Variants in AGPS observed in about 807,000 individuals in gnomAD.
AGPS encodes alkyldihydroxyacetonephosphate synthase, peroxisomal.
AGPS carries 26 observed loss-of-function variants against 90.7 expected under a neutral mutation model. That is an observed-to-expected ratio of 0.29 (90% CI 0.21 to 0.40). The LOEUF (loss-of-function observed/expected upper bound fraction) is 0.40. Among genes scored for constraint, AGPS ranks in the 10% least tolerant of loss-of-function variants. AGPS has a pLI of 1.00. For synonymous variants in AGPS, 294 were observed against 285.3 expected (o/e 1.03, Z -0.31); for missense variants, 540 against 816.1 (o/e 0.66, Z 4.12).
At chr2:177,459,159 A>C (rs138228275) in intron 8 of AGPS, among the ~76,000 whole-genome samples, 131,909 of 152,152 alleles carry the variant, frequency 0.87, 57,396 homozygotes, top group East Asian at 0.98. Flanking sequence ...ACACCTTATA[A>C]AAAAATCAAC....
At chr2:177,449,414 T>C (rs988722888) in intron 8 of AGPS, among the ~76,000 whole-genome samples, 1 of 152,158 alleles carries the variant, frequency 6.6e-6, no homozygotes, top group Non-Finnish European at 1.5e-5. Flanking sequence ...TAGTATCTTA[T>C]TGTAGGTTTG....
intron 8 of AGPS, among the ~76,000 whole-genome samples, chr2:177,455,963 A>G (rs1041303190): frequency 6.6e-6 from 1 of 152,218 alleles, no homozygotes; most frequent in African/African-American, 2.4e-5. Flanking sequence ...TTCATGGCAC[A>G]TGGTAAATAA....
rs1180320735 is a variant in AGPS, at chr2:177,540,014, C to T, written c.*1819C>T. On this transcript the variant is annotated 3_prime_UTR_variant, in exon 20 of 20. Transcript: ENST00000264167. The stretch of plus-strand genomic sequence containing the variant: ...GTGATCAAAATATAAAATTAAGGTA[C>T]TAATGTCTCACTGGAAGTATATATA... The T allele has an allele frequency of 8.9e-6, 1 of 111,802 alleles. No individual in the cohort carries two copies. The highest frequency in any genetic ancestry group is 2.7e-4 in the East Asian group (1 of 3,732). 6.9% of individuals were successfully genotyped at this position (111,802 alleles called of 1,614,324 possible).
chr2:177,393,205 G>A (rs1008141259), intron 1 of AGPS, 156 bp downstream of exon 1: 37 of 985,160 alleles, frequency 3.8e-5, no homozygotes, highest in Non-Finnish European at 4.2e-5. Flanking sequence ...CGAGAGAGTG[G>A]ACTAGACCCT....
chr2:177,492,170 G>A (rs1222606352), intron 11 of AGPS, among the ~76,000 whole-genome samples: 3 of 152,306 alleles, frequency 2.0e-5, no homozygotes, highest in African/African-American at 4.8e-5. Context: ...GTAGAATGTG[G>A]TTGTTAGCAG....
chr2:177,434,997 G>GTATATATATA (rs1553509324), intron 3 of AGPS, among the ~76,000 whole-genome samples: 2,392 of 127,936 alleles, frequency 0.019, 54 homozygotes, highest in African/African-American at 0.039. Flanking sequence ...TAAACTGTAG[G>GTATATATATA]TATATATATA....
At chr2:177,470,355 A>G (rs1022085876) in intron 10 of AGPS, among the ~76,000 whole-genome samples, 11 of 152,172 alleles carry the variant, frequency 7.2e-5, no homozygotes, top group Non-Finnish European at 1.6e-4. Context: ...GGTAGTCACT[A>G]ACTGTATGAA....
chr2:177,461,944 A>C lies in AGPS; in HGVS notation c.922A>C (p.Ser308Arg). 6.2e-7 allele frequency: 1 copy of C among 1,612,898 alleles called. No homozygotes were observed. The highest frequency in any genetic ancestry group is 8.5e-7 in the Non-Finnish European group (1 of 1,179,236). Residue 308 changes from serine to arginine, a missense_variant, in exon 9 of 20, where the codon AGT becomes CGT. By Grantham distance (110) the Ser-to-Arg change is moderately radical. Transcript: ENST00000264167. ...TCATGAACCAGATTCCCTGGAGTTC[A>C]GTACTGTAGGAGGATGGGTATCTAC... ...TGHEPDSLEF[S>R]TVGGWVSTRA...
intron 14 of AGPS, among the ~76,000 whole-genome samples, chr2:177,504,319 TGGA>T (rs1553517437): frequency 6.6e-6 from 1 of 151,670 alleles, no homozygotes; most frequent in South Asian, 2.1e-4. Flanking sequence ...TTTTGAAACT[TGGA>T]GGCTTTCTAC....
At chr2:177,448,274 TC>T (rs1166044933) in intron 8 of AGPS, among the ~76,000 whole-genome samples, 1 of 152,218 alleles carries the variant, frequency 6.6e-6, no homozygotes, top group African/African-American at 2.4e-5. Flanking sequence ...GTGGGGTTTT[TC>T]ATCAAGATGA....
At chr2:177,490,698 T>G (rs1312793609) in intron 11 of AGPS, among the ~76,000 whole-genome samples, 3 of 152,120 alleles carry the variant, frequency 2.0e-5, no homozygotes, top group African/African-American at 7.2e-5. Context: ...CTTTTTAATT[T>G]GAAAATTTTA....
chr2:177,413,246 A>G (rs1485130951), intron 1 of AGPS, among the ~76,000 whole-genome samples: 1 of 152,162 alleles, frequency 6.6e-6, no homozygotes, highest in East Asian at 1.9e-4. Context: ...TGCCAAGGGT[A>G]TTGTTGGTCT....
In AGPS at chr2:177,431,285, C is replaced by A. The variant is rs558341854; in HGVS notation, c.351-3042C>A. On this transcript the variant is annotated intron_variant, in intron 2 of 19. Transcript: ENST00000264167. ...AACAGGGAGTAGGTCACAAAGATCA[C>A]ATGCTTCAAAGGGCAATAAAGATCA... 3.3e-5 allele frequency among the ~76,000 whole-genome samples: 5 copies of A among 152,268 alleles called. No homozygotes were observed. The South Asian group carries it at 1.0e-3, about 32-fold the overall frequency.
intron 14 of AGPS, among the ~76,000 whole-genome samples, chr2:177,504,918 A>G (rs1201421546): frequency 2.0e-5 from 3 of 152,116 alleles, no homozygotes; most frequent in Non-Finnish European, 2.9e-5. Context: ...AGATCATCAA[A>G]TACAATTTCT....
chr2:177,396,942 C>CTTTTTTCT (rs1553504873), intron 1 of AGPS, among the ~76,000 whole-genome samples: 14,796 of 140,410 alleles, frequency 0.11, 1,292 homozygotes, highest in East Asian at 0.35. Context: ...TTTTTCTTTT[C>CTTTTTTCT]TTTTTTTTTT....
rs546560270 is a variant in AGPS at position 177,507,965 on chromosome 2, A to T, written c.1546-5A>T. 3 of 1,609,292 alleles carry T rather than the reference A, an allele frequency of 1.9e-6. No individual in the cohort carries two copies. The highest frequency in any genetic ancestry group is 2.6e-6 in the Non-Finnish European group (3 of 1,175,672). On this transcript the variant is annotated splice_polypyrimidine_tract_variant and splice_region_variant and intron_variant, in intron 15 of 19. Coordinates refer to ENST00000264167, the MANE Select transcript of AGPS (RefSeq NM_003659.4). Reference sequence around the variant, plus strand: ...TTCTTGATTTTTCTGTTTGTGTCTTAATAGGACTTGGCTTTGGAATACTAT... The same window carrying T: ...TTCTTGATTTTTCTGTTTGTGTCTTTATAGGACTTGGCTTTGGAATACTAT...
intron 17 of AGPS, 137 bp from the exon 18 acceptor site, chr2:177,521,132 C>A: frequency 1.3e-6 from 1 of 791,112 alleles, no homozygotes; most frequent in African/African-American, 1.7e-5. Flanking sequence ...GTATTCCTTC[C>A]ATGGAGTAGA....
chr2:177,448,448 T>C (rs1231191079), intron 8 of AGPS, among the ~76,000 whole-genome samples: 1 of 152,208 alleles, frequency 6.6e-6, no homozygotes. Context: ...TGAACTGATA[T>C]AGCCACTTGC....
At chr2:177,531,751 A>G (rs557640380) in intron 19 of AGPS, among the ~76,000 whole-genome samples, 13 of 152,326 alleles carry the variant, frequency 8.5e-5, no homozygotes, top group African/African-American at 2.6e-4. Context: ...AAGACTTACT[A>G]TATAGTTACA....
Sources: allele counts gnomAD v4.1 joint callset (sites outside exome capture counted in the v4.1 genomes callset), GRCh38; gene constraint gnomAD v4.1.1; transcripts MANE v1.5; gene names NCBI Gene and HGNC (gene_info 2026-07-23, HGNC 2026-07-21).